Variants in ARHGAP32 observed in about 807,000 individuals in gnomAD.
ARHGAP32 encodes the protein rho GTPase-activating protein 32.
A neutral mutation model predicts 186.5 loss-of-function variants in ARHGAP32; 51 were observed. That is an observed-to-expected ratio of 0.27 (90% CI 0.22 to 0.35). The LOEUF (loss-of-function observed/expected upper bound fraction) is 0.35. Among genes scored for constraint, ARHGAP32 ranks in the 10% least tolerant of loss-of-function variants. ARHGAP32 has a pLI of 1.00. For missense variants in ARHGAP32, 2,186 were observed against 2,623.5 expected (o/e 0.83, Z 3.64); for synonymous variants, 950 against 964.3 (o/e 0.99, Z 0.27).
chr11:129,019,742 T>G (rs2134883544), intron 11 of ARHGAP32, among the ~76,000 whole-genome samples: 2 of 152,274 alleles, frequency 1.3e-5, no homozygotes, highest in South Asian at 4.1e-4. Context: ...CAATCCTATT[T>G]GAAGATTTAA....
chr11:129,038,088 A>G (rs1210609945), intron 11 of ARHGAP32, among the ~76,000 whole-genome samples: 2 of 151,940 alleles, frequency 1.3e-5, no homozygotes, highest in Non-Finnish European at 2.9e-5. Context: ...GTGACAGAGC[A>G]AGACTCTGCC....
intron 5 of ARHGAP32, among the ~76,000 whole-genome samples, chr11:129,110,743 G>T (rs749011299): frequency 6.6e-6 from 1 of 151,934 alleles, no homozygotes; most frequent in Non-Finnish European, 1.5e-5. Flanking sequence ...TTTCATTACT[G>T]CTATATAGAA....
intron 1 of ARHGAP32, among the ~76,000 whole-genome samples, chr11:129,266,047 T>C (rs1330820385): frequency 6.6e-6 from 1 of 151,976 alleles, no homozygotes. Flanking sequence ...GAAAACAATG[T>C]AACAAAATTT....
intron 15 of ARHGAP32, among the ~76,000 whole-genome samples, chr11:128,984,294 G>C (rs1204857162): frequency 6.6e-6 from 1 of 151,954 alleles, no homozygotes; most frequent in Admixed American, 6.6e-5. Flanking sequence ...AGAATCACTT[G>C]AGCCTGGGAG....
chr11:129,064,980 C>A, intron 7 of ARHGAP32, 47 bp from the exon 8 acceptor site: 1 of 1,445,582 alleles, frequency 6.9e-7, no homozygotes, highest in South Asian at 1.2e-5. Flanking sequence ...ATACTATGCT[C>A]TCTGGCAGGG....
Position 128,965,178 on chromosome 11 carries a change from A to AC in ARHGAP32, c.*3728dup, listed in dbSNP as rs1207197803. On this transcript the variant is annotated 3_prime_UTR_variant, in exon 23 of 23. Coordinates refer to ENST00000682385, the MANE Select transcript of ARHGAP32 (RefSeq NM_001378024.1). Reference sequence around the variant, plus strand: ...AAAATCCCTTCCTCCCTCCCCTGCCACCCCCCACCCCACCCTGCAACCAAA... The same window carrying AC: ...AAAATCCCTTCCTCCCTCCCCTGCCACCCCCCCACCCCACCCTGCAACCAAA... The AC allele has an allele frequency of 3.7e-5, 4 of 107,722 alleles. No homozygotes were observed. The East Asian group carries it at 1.1e-3, about 31-fold the overall frequency. The allele number at this position is 107,722 out of a possible 1,614,324, so 6.7% of individuals were successfully genotyped here.
At chr11:129,083,897 T>C (rs184207250) in intron 6 of ARHGAP32, among the ~76,000 whole-genome samples, 1 of 152,156 alleles carries the variant, frequency 6.6e-6, no homozygotes, top group African/African-American at 2.4e-5. Context: ...AAAATGTCAA[T>C]AAAATTGAGA....
chr11:129,103,949 T>C (rs1355451721), intron 5 of ARHGAP32, among the ~76,000 whole-genome samples: 1 of 152,000 alleles, frequency 6.6e-6, no homozygotes, highest in Non-Finnish European at 1.5e-5. Context: ...CAGGAAGGAA[T>C]AAACAGTTCC....
chr11:129,022,382 G>A (rs187998969), intron 11 of ARHGAP32, among the ~76,000 whole-genome samples: 190 of 152,100 alleles, frequency 1.2e-3, no homozygotes, highest in Non-Finnish European at 2.3e-3. Flanking sequence ...GTTTTGTTTT[G>A]TTTTGCAGGA....
chr11:129,235,399 G>A (rs1591710307), intron 1 of ARHGAP32, among the ~76,000 whole-genome samples: 2 of 152,062 alleles, frequency 1.3e-5, no homozygotes, highest in East Asian at 3.9e-4. Flanking sequence ...CTACCCTTAG[G>A]TACTATATGT....
chr11:129,255,308 T>C (rs773336655), intron 1 of ARHGAP32, among the ~76,000 whole-genome samples: 10 of 152,224 alleles, frequency 6.6e-5, no homozygotes, highest in Non-Finnish European at 1.0e-4. Context: ...TTTTAATAAA[T>C]GGTGCTGACT....
At chr11:129,184,375 G>A (rs1944114467) in intron 1 of ARHGAP32, among the ~76,000 whole-genome samples, 1 of 151,936 alleles carries the variant, frequency 6.6e-6, no homozygotes, top group Non-Finnish European at 1.5e-5. Context: ...TACACTGAAT[G>A]AATAAAGCTC....
chr11:129,223,031 G>T (rs946791070), intron 1 of ARHGAP32, among the ~76,000 whole-genome samples: 8 of 152,212 alleles, frequency 5.3e-5, no homozygotes, highest in African/African-American at 1.9e-4. Context: ...AAACTTAATT[G>T]TTGTAATATA....
intron 1 of ARHGAP32, among the ~76,000 whole-genome samples, chr11:129,178,126 C>A (rs1488160376): frequency 6.6e-6 from 1 of 151,352 alleles, no homozygotes; most frequent in Non-Finnish European, 1.5e-5. Flanking sequence ...ACAAAAATCA[C>A]AAGCATTCTT....
intron 5 of ARHGAP32, among the ~76,000 whole-genome samples, chr11:129,101,266 G>C (rs1309652127): frequency 6.6e-6 from 1 of 152,120 alleles, no homozygotes; most frequent in Non-Finnish European, 1.5e-5. Flanking sequence ...ACATGAGAAA[G>C]AATCAGCACA....
At chr11:129,122,699 G>C (rs1256440818) in intron 5 of ARHGAP32, among the ~76,000 whole-genome samples, 1 of 152,044 alleles carries the variant, frequency 6.6e-6, no homozygotes, top group East Asian at 1.9e-4. Context: ...AGCACACTGT[G>C]ACACAAATCA....
intron 2 of ARHGAP32, among the ~76,000 whole-genome samples, chr11:129,162,702 G>A (rs1331742012): frequency 6.6e-6 from 1 of 152,102 alleles, no homozygotes. Flanking sequence ...TTGCTAATCA[G>A]TTTTTACTGC....
intron 1 of ARHGAP32, among the ~76,000 whole-genome samples, chr11:129,174,355 A>C (rs902509103): frequency 2.0e-5 from 3 of 152,182 alleles, no homozygotes; most frequent in Admixed American, 1.3e-4. Context: ...GGCGGCAGCA[A>C]GGCTCGGGGA....
intron 1 of ARHGAP32, among the ~76,000 whole-genome samples, chr11:129,211,902 C>A (rs1172298433): frequency 6.6e-6 from 1 of 152,144 alleles, no homozygotes; most frequent in African/African-American, 2.4e-5. Context: ...CACCTGTAAT[C>A]CCAGCACTTT....
Sources: gnomAD v4.1 joint callset for allele counts (sites outside exome capture counted in the v4.1 genomes callset) on GRCh38, gnomAD v4.1.1 for gene constraint, MANE v1.5 for transcripts, NCBI Gene and HGNC (gene_info 2026-07-23, HGNC 2026-07-21) for gene names.